Variants in ARHGAP44 observed in about 807,000 individuals in gnomAD.
ARHGAP44 encodes Rho GTPase activating protein 44.
Under a neutral mutation model 106.8 loss-of-function variants are expected in ARHGAP44, and 43 were observed. The ratio of observed to expected loss-of-function variants is 0.40; its 90% CI spans 0.32 to 0.52. The LOEUF (loss-of-function observed/expected upper bound fraction) is 0.52. ARHGAP44 is among the 20% of genes least tolerant of loss of function. The pLI is 0.48. For synonymous variants in ARHGAP44, 439 were observed against 410.3 expected (o/e 1.07, Z -0.85); for missense variants, 866 against 1,050.5 (o/e 0.82, Z 2.43).
chr17:12,914,817 T>TA (rs1261539041), intron 4 of ARHGAP44, among the ~76,000 whole-genome samples: 3 of 127,984 alleles, frequency 2.3e-5, no homozygotes, highest in Non-Finnish European at 3.4e-5. Context: ...AAAAAAAACC[T>TA]CAAAAAAAAA....
intron 1 of ARHGAP44, among the ~76,000 whole-genome samples, chr17:12,824,915 G>A (rs183381152): frequency 2.6e-4 from 39 of 151,906 alleles, no homozygotes; most frequent in Admixed American, 6.6e-4. Flanking sequence ...AAGATTTTCC[G>A]TAGTGCTTGA....
chr17:12,818,927 A>G lies in ARHGAP44; in HGVS notation c.53+29036A>G, dbSNP rs2034680506. ...TTGTAGATACAGACAAGCCGACTCT[A>G]AAATTTGCATGGATAGGCAAAGGAA... On this transcript the variant is annotated intron_variant, in intron 1 of 20. Transcript: ENST00000379672. Among the ~76,000 whole-genome samples the G allele has an allele frequency of 2.6e-5, 4 of 152,122 alleles. No homozygotes were observed. The South Asian group carries it at 8.3e-4, about 31-fold the overall frequency.
At position 12,991,187 on chromosome 17, in the gene ARHGAP44, A is replaced by C. The variant is rs1458073030; in HGVS notation, c.*1016A>C. On this transcript the variant is annotated 3_prime_UTR_variant, in exon 21 of 21. Transcript: ENST00000379672. ...CATGAAGTCCCATCTGGTCATGGGG[A>C]CGAGGGCCGGGAGGGCACCGGGTAG... The C allele has an allele frequency of 1.3e-5, 2 of 152,548 alleles. No homozygotes were observed. The highest frequency in any genetic ancestry group is 2.1e-4 in the South Asian group (1 of 4,836). The allele number at this position is 152,548 out of a possible 1,614,324, so 9.4% of individuals were successfully genotyped here.
intron 1 of ARHGAP44, among the ~76,000 whole-genome samples, chr17:12,817,630 G>A (rs534338367): frequency 1.9e-3 from 284 of 152,076 alleles, no homozygotes; most frequent in African/African-American, 6.3e-3. Context: ...TGGCCAGACC[G>A]ACTAAGGAAA....
chr17:12,790,290 T>TCCCTC lies in ARHGAP44; in HGVS notation c.53+409_53+413dup, dbSNP rs1385695260. On this transcript the variant is annotated intron_variant, in intron 1 of 20. Transcript: ENST00000379672. ...CCGCAGTCGGTCTCCGGAGATCTCTTCCCTCCCCTCCCCTGCGCCGAGTTC... is the reference window on the plus strand; with the variant it reads ...CCGCAGTCGGTCTCCGGAGATCTCTTCCCTCCCCTCCCCTCCCCTGCGCCGAGTTC... 2.6e-5 allele frequency: 5 copies of TCCCTC among 190,998 alleles called. No homozygotes were observed. The South Asian group carries it at 3.2e-4, about 12-fold the overall frequency. 11.8% of individuals were successfully genotyped at this position (190,998 alleles called of 1,614,324 possible). A position where few individuals can be genotyped will look rare whatever the true frequency, so the allele number is the denominator to read the frequency against.
At chr17:12,962,341 G>A (rs1314763833) in intron 16 of ARHGAP44, among the ~76,000 whole-genome samples, 1 of 152,120 alleles carries the variant, frequency 6.6e-6, no homozygotes, top group African/African-American at 2.4e-5. Flanking sequence ...GCAGGGCTTG[G>A]TGACCAGTTC....
intron 1 of ARHGAP44, among the ~76,000 whole-genome samples, chr17:12,870,323 C>A (rs906812182): frequency 6.6e-6 from 1 of 152,096 alleles, no homozygotes; most frequent in Non-Finnish European, 1.5e-5. Flanking sequence ...ATTACAGGTA[C>A]AAGCCACTGT....
chr17:12,826,495 T>C (rs1335899370), intron 1 of ARHGAP44, among the ~76,000 whole-genome samples: 1 of 152,256 alleles, frequency 6.6e-6, no homozygotes, highest in Non-Finnish European at 1.5e-5. Context: ...GTTTTCAGTG[T>C]AATTGGACCA....
chr17:12,907,560 T>C (rs1330102060), intron 3 of ARHGAP44, among the ~76,000 whole-genome samples: 3 of 152,246 alleles, frequency 2.0e-5, no homozygotes, highest in Admixed American at 1.3e-4. Context: ...TTTCATTAAA[T>C]AGATTTATAT....
At chr17:12,858,071 G>A (rs532323856) in intron 1 of ARHGAP44, among the ~76,000 whole-genome samples, 34 of 152,194 alleles carry the variant, frequency 2.2e-4, no homozygotes, top group African/African-American at 7.0e-4. Flanking sequence ...GCATTTACTC[G>A]CAGTTGGAAG....
intron 16 of ARHGAP44, among the ~76,000 whole-genome samples, chr17:12,970,906 A>G (rs1277659097): frequency 1.3e-5 from 2 of 152,190 alleles, no homozygotes; most frequent in East Asian, 1.9e-4. Context: ...GAACATTTAC[A>G]TATACCATCT....
intron 1 of ARHGAP44, among the ~76,000 whole-genome samples, chr17:12,825,583 C>T (rs2034896414): frequency 6.6e-6 from 1 of 152,092 alleles, no homozygotes. Flanking sequence ...TCTGAAGTCT[C>T]TTTTTCTGGG....
At chr17:12,832,102 A>C (rs1479113452) in intron 1 of ARHGAP44, among the ~76,000 whole-genome samples, 2 of 152,198 alleles carry the variant, frequency 1.3e-5, no homozygotes, top group Non-Finnish European at 2.9e-5. Context: ...ACTTCAGTAG[A>C]GAAAGAGTTT....
intron 1 of ARHGAP44, among the ~76,000 whole-genome samples, chr17:12,811,269 C>T (rs1305626855): frequency 6.7e-6 from 1 of 149,110 alleles, no homozygotes; most frequent in African/African-American, 2.5e-5. Flanking sequence ...GCCGAGATCG[C>T]ACCACTGCAC....
intron 7 of ARHGAP44, among the ~76,000 whole-genome samples, chr17:12,934,509 AT>A (rs2038490017): frequency 1.3e-5 from 2 of 152,180 alleles, no homozygotes; most frequent in Non-Finnish European, 2.9e-5. Flanking sequence ...GTTGGGAAGC[AT>A]TTACGTTACT....
chr17:12,814,890 C>G (rs2034553448), intron 1 of ARHGAP44, among the ~76,000 whole-genome samples: 1 of 152,100 alleles, frequency 6.6e-6, no homozygotes, highest in Non-Finnish European at 1.5e-5. Context: ...CTTTACTTTT[C>G]ACACATCTTA....
intron 3 of ARHGAP44, among the ~76,000 whole-genome samples, chr17:12,903,106 GA>G (rs1017732295): frequency 1.3e-4 from 15 of 118,268 alleles, no homozygotes; most frequent in African/African-American, 3.6e-4. Context: ...GAGAGAGAGA[GA>G]GAGAGAGAGA....
intron 6 of ARHGAP44, among the ~76,000 whole-genome samples, chr17:12,927,649 C>T (rs1408545267): frequency 2.0e-5 from 3 of 152,126 alleles, no homozygotes; most frequent in Non-Finnish European, 2.9e-5. Context: ...TCTGGCAACC[C>T]ATGACCCAGC....
Position 12,980,277 on chromosome 17 carries a change from G to A in ARHGAP44, c.1939+44G>A, listed in dbSNP as rs956517552. ...TCTCCTTGGTCTCAGGCCGGAGGTG[G>A]CTGTGACATTCCCTGAAGGCTCGTT... On this transcript the variant is annotated intron_variant, in intron 19 of 20. Transcript: ENST00000379672. 2.7e-5 allele frequency: 42 copies of A among 1,553,420 alleles called. No individual in the cohort carries two copies. The Admixed American group carries it at 6.6e-4, about 24-fold the overall frequency.
Sources: gnomAD v4.1 joint callset for allele counts (sites outside exome capture counted in the v4.1 genomes callset) on GRCh38, gnomAD v4.1.1 for gene constraint, MANE v1.5 for transcripts, NCBI Gene and HGNC (gene_info 2026-07-23, HGNC 2026-07-21) for gene names.